Variants in CCDC93 observed in about 807,000 individuals in gnomAD.
CCDC93 encodes coiled-coil domain-containing protein 93.
Under a neutral mutation model 108.2 loss-of-function variants are expected in CCDC93, and 61 were observed. The observed-to-expected ratio is 0.56, with a 90% CI of 0.46 to 0.70. The LOEUF is 0.70. Among genes scored for constraint, CCDC93 ranks in the 30% least tolerant of loss-of-function variants. The pLI, the probability that CCDC93 is intolerant of heterozygous loss-of-function variation, is 0.00. For synonymous variants in CCDC93, 276 were observed against 260.4 expected, an observed-to-expected ratio of 1.06 and a Z score of -0.58; for missense variants, 685 against 764.2, an observed-to-expected ratio of 0.90 and a Z score of 1.22.
chr2:117,937,794 T>C (rs186930201), intron 20 of CCDC93, among the ~76,000 whole-genome samples: 1 of 152,184 alleles, frequency 6.6e-6, no homozygotes, highest in Non-Finnish European at 1.5e-5. Flanking sequence ...TCCCATGAAA[T>C]GCATTCATCT....
chr2:117,999,365 T>C (rs575397806), intron 4 of CCDC93: 1 of 152,354 alleles, frequency 6.6e-6, no homozygotes, highest in African/African-American at 2.4e-5. Flanking sequence ...TTGTCCACTC[T>C]CCGCCCTTAA....
intron 1 of CCDC93, among the ~76,000 whole-genome samples, chr2:118,009,529 G>A (rs552073558): frequency 3.5e-4 from 53 of 152,132 alleles, no homozygotes; most frequent in African/African-American, 1.2e-3. Context: ...AAAATTAGCT[G>A]AGCATGGTGG....
Position 117,917,589 on chromosome 2 carries a change from C to T in CCDC93, c.*2754G>A, listed in dbSNP as rs911658817. On this transcript the variant is annotated 3_prime_UTR_variant, in exon 24 of 24. Coordinates refer to ENST00000376300, the MANE Select transcript of CCDC93 (RefSeq NM_019044.5). ...GCTTGACAAACTGGGAATTTGCCCT[C>T]TGTTAAAACAACCCTCAGTGTGACT... 6.6e-6 allele frequency: 1 copy of T among 152,290 alleles called. No homozygotes were observed. The highest frequency in any genetic ancestry group is 2.4e-5 in the African/African-American group (1 of 41,454). The allele number at this position is 152,290 out of a possible 1,614,324, so 9.4% of individuals were successfully genotyped here.
intron 13 of CCDC93, chr2:117,950,764 C>G (rs1056165396): frequency 2.5e-5 from 25 of 985,302 alleles, no homozygotes; most frequent in African/African-American, 5.2e-5. Flanking sequence ...AGGTTTTATA[C>G]AGCTTCCCAT....
intron 11 of CCDC93, among the ~76,000 whole-genome samples, chr2:117,971,392 CAA>C (rs1280272820): frequency 6.7e-6 from 1 of 148,502 alleles, no homozygotes; most frequent in Non-Finnish European, 1.5e-5. Context: ...CCCATACACA[CAA>C]ACACACACTT....
chr2:117,968,295 G>A (rs1679654083), intron 11 of CCDC93, among the ~76,000 whole-genome samples: 1 of 152,124 alleles, frequency 6.6e-6, no homozygotes, highest in South Asian at 2.1e-4. Context: ...AATATATTTT[G>A]GACAGTCAGG....
chr2:117,995,071 C>G (rs1048574675), intron 6 of CCDC93, among the ~76,000 whole-genome samples: 1 of 152,184 alleles, frequency 6.6e-6, no homozygotes, highest in Admixed American at 6.5e-5. Context: ...GCTACTCTGT[C>G]TATGCAAAGC....
At chr2:117,984,116 A>C (rs1476210302) in intron 7 of CCDC93, among the ~76,000 whole-genome samples, 1 of 152,098 alleles carries the variant, frequency 6.6e-6, no homozygotes, top group African/African-American at 2.4e-5. Context: ...TAAATATACT[A>C]TCAGAATGTC....
intron 10 of CCDC93, 118 bp downstream of exon 10, chr2:117,974,732 G>A: frequency 1.4e-6 from 1 of 704,802 alleles, no homozygotes; most frequent in Non-Finnish European, 2.5e-6. Context: ...TGGGGAAGAG[G>A]AGGTACTGTG....
intron 3 of CCDC93, among the ~76,000 whole-genome samples, chr2:118,003,052 CAA>C (rs764589267): frequency 1.4e-4 from 22 of 152,158 alleles, no homozygotes; most frequent in Non-Finnish European, 3.1e-4. Flanking sequence ...CAAAACAAAA[CAA>C]AAGTCCTGAG....
At chr2:117,996,390 T>A (rs765927494) in intron 4 of CCDC93, 28 bp from the exon 5 acceptor site, 2 of 1,526,056 alleles carry the variant, frequency 1.3e-6, no homozygotes, top group South Asian at 1.1e-5. Context: ...AAGACAAGAG[T>A]TGCTAAGGAC....
In CCDC93 at chr2:117,973,997, G is replaced by C; in HGVS notation, c.802-3C>G. On this transcript the variant is annotated splice_region_variant and splice_polypyrimidine_tract_variant and intron_variant, in intron 10 of 23. Coordinates refer to ENST00000376300, the MANE Select transcript of CCDC93 (RefSeq NM_019044.5). Reference sequence around the variant, plus strand: ...ACGGAGCTTGCGGTGAGACGGCTCTGCAAGTATATGGAGGGAATGTTCTCA... The same window carrying C: ...ACGGAGCTTGCGGTGAGACGGCTCTCCAAGTATATGGAGGGAATGTTCTCA... 1 of 1,597,604 alleles carries C rather than the reference G, an allele frequency of 6.3e-7. No homozygotes were observed. Among genetic ancestry groups the C allele is most frequent in the Non-Finnish European group, 8.6e-7 (1 of 1,168,860 alleles).
chr2:117,938,102 T>C (rs955281942), intron 20 of CCDC93, among the ~76,000 whole-genome samples: 1 of 152,258 alleles, frequency 6.6e-6, no homozygotes, highest in Non-Finnish European at 1.5e-5. Flanking sequence ...AACAAGTATG[T>C]ACTGAGAATC....
intron 23 of CCDC93, among the ~76,000 whole-genome samples, chr2:117,923,578 G>C (rs867803163): frequency 2.0e-5 from 3 of 152,142 alleles, no homozygotes; most frequent in Non-Finnish European, 2.9e-5. Flanking sequence ...AGGGGCACCC[G>C]CCATTTCTGA....
At chr2:117,943,353 C>T (rs887152435) in intron 18 of CCDC93, among the ~76,000 whole-genome samples, 5 of 152,250 alleles carry the variant, frequency 3.3e-5, no homozygotes, top group Middle Eastern at 3.4e-3. Context: ...TGTACTGTCC[C>T]GATTTTATTT....
At chr2:117,981,035 C>G (rs1471954663) in intron 7 of CCDC93, among the ~76,000 whole-genome samples, 11 of 152,150 alleles carry the variant, frequency 7.2e-5, no homozygotes, top group East Asian at 3.9e-4. Context: ...CTACTTAATT[C>G]CATTTTATGG....
chr2:117,977,574 T>G (rs959981049), intron 8 of CCDC93, among the ~76,000 whole-genome samples: 6 of 152,274 alleles, frequency 3.9e-5, no homozygotes, highest in Non-Finnish European at 5.9e-5. Context: ...CTGATTTACC[T>G]GGCTCTTCCA....
At chr2:117,931,195 C>T in intron 22 of CCDC93, 45 bp from the exon 23 acceptor site, 2 of 1,378,762 alleles carry the variant, frequency 1.5e-6, no homozygotes, top group Non-Finnish European at 2.1e-6. Flanking sequence ...ACATGTTCTG[C>T]CCAAGGGCTA....
intron 4 of CCDC93, 192 bp from the exon 5 acceptor site, chr2:117,996,554 G>C: frequency 1.9e-6 from 1 of 525,080 alleles, no homozygotes. Flanking sequence ...AAGATCCAAT[G>C]GGACCTAGTG....
Sources: allele counts gnomAD v4.1 joint callset (sites outside exome capture counted in the v4.1 genomes callset), GRCh38; gene constraint gnomAD v4.1.1; transcripts MANE v1.5; gene names NCBI Gene and HGNC (gene_info 2026-07-23, HGNC 2026-07-21).